Variants in HMGCLL1 observed in about 807,000 individuals in gnomAD.
HMGCLL1 encodes 3-hydroxy-3-methylglutaryl-CoA lyase like 1, also known as 3-hydroxymethyl-3-methylglutaryl-CoA lyase, cytoplasmic.
In HMGCLL1, 36 loss-of-function variants were observed where a neutral mutation model predicts 39.1. The observed-to-expected ratio is 0.92, with a 90% CI of 0.71 to 1.22. The LOEUF (loss-of-function observed/expected upper bound fraction) is 1.22, where lower values mean the gene tolerates loss of function less well. Among genes scored for constraint, HMGCLL1 ranks in the 50% most tolerant of loss-of-function variants. The pLI is 0.00. For synonymous variants in HMGCLL1, 149 were observed against 144.0 expected, an observed-to-expected ratio of 1.03 and a Z score of -0.25; for missense variants, 451 against 416.5, an observed-to-expected ratio of 1.08 and a Z score of -0.72.
chr6:55,490,326 G>A (rs138063779), intron 7 of HMGCLL1, among the ~76,000 whole-genome samples: 208 of 152,038 alleles, frequency 1.4e-3, no homozygotes, highest in African/African-American at 4.7e-3. Context: ...ATGTAAGCAT[G>A]GAAACAATGA....
At chr6:55,657,465 C>T in the HMGCLL1 span, among the ~76,000 whole-genome samples, 5 of 152,046 alleles carry the variant, frequency 3.3e-5, no homozygotes, top group African/African-American at 7.2e-5. Flanking sequence ...TTCTCCATTG[C>T]TTGTTTTTGT....
At chr6:55,442,186 C>G (rs868530010) in intron 7 of HMGCLL1, among the ~76,000 whole-genome samples, 1 of 152,234 alleles carries the variant, frequency 6.6e-6, no homozygotes, top group Middle Eastern at 3.4e-3. Flanking sequence ...AGTCTCCCCA[C>G]AGTCTTTCTG....
chr6:55,653,888 C>T, the HMGCLL1 span, among the ~76,000 whole-genome samples: 1 of 149,988 alleles, frequency 6.7e-6, no homozygotes, highest in African/African-American at 2.5e-5. Flanking sequence ...CCCTCCCATT[C>T]CCTGGGGACT....
the HMGCLL1 span, among the ~76,000 whole-genome samples, chr6:55,677,745 C>T: frequency 2.2e-4 from 33 of 152,294 alleles, no homozygotes; most frequent in Admixed American, 1.9e-3. Flanking sequence ...TTTTACAGTT[C>T]ATTAAGAGTG....
chr6:55,492,574 T>C (rs1766370694), intron 7 of HMGCLL1, among the ~76,000 whole-genome samples: 1 of 152,236 alleles, frequency 6.6e-6, no homozygotes, highest in South Asian at 2.1e-4. Flanking sequence ...TTTCTTATGA[T>C]ATCAATGCGT....
chr6:55,652,573 T>A, the HMGCLL1 span, among the ~76,000 whole-genome samples: 1 of 152,130 alleles, frequency 6.6e-6, no homozygotes, highest in Admixed American at 6.6e-5. Flanking sequence ...AACTCCTGAA[T>A]GATTCTGTGG....
chr6:55,632,296 T>G, the HMGCLL1 span, among the ~76,000 whole-genome samples: 1 of 151,844 alleles, frequency 6.6e-6, no homozygotes, highest in Non-Finnish European at 1.5e-5. Flanking sequence ...CATCTAAGGA[T>G]TCTTATAAGG....
At chr6:55,490,944 T>C (rs1468479113) in intron 7 of HMGCLL1, among the ~76,000 whole-genome samples, 1 of 152,100 alleles carries the variant, frequency 6.6e-6, no homozygotes, top group Non-Finnish European at 1.5e-5. Context: ...AAAAAACATA[T>C]ATAAAGGCAC....
chr6:55,483,873 A>C (rs893297067), intron 7 of HMGCLL1, among the ~76,000 whole-genome samples: 1 of 152,224 alleles, frequency 6.6e-6, no homozygotes, highest in Non-Finnish European at 1.5e-5. Context: ...AAAATTATTA[A>C]TATCAGCTAT....
chr6:55,569,510 G>T (rs1341463168), intron 1 of HMGCLL1, among the ~76,000 whole-genome samples: 1 of 152,154 alleles, frequency 6.6e-6, no homozygotes, highest in Non-Finnish European at 1.5e-5. Context: ...TTTAGAACTA[G>T]AACTGCTTGA....
chr6:55,477,814 C>T (rs894832681), intron 7 of HMGCLL1, among the ~76,000 whole-genome samples: 1 of 150,396 alleles, frequency 6.6e-6, no homozygotes, highest in Admixed American at 6.7e-5. Context: ...ATTTGGTTTA[C>T]TGTTTTGTTT....
the HMGCLL1 span, among the ~76,000 whole-genome samples, chr6:55,600,393 C>G: frequency 1.3e-5 from 2 of 152,082 alleles, no homozygotes; most frequent in Non-Finnish European, 2.9e-5. Context: ...GGCAACATCA[C>G]TTACCAACAG....
chr6:55,569,566 T>A (rs539361719), intron 1 of HMGCLL1, among the ~76,000 whole-genome samples: 52 of 152,300 alleles, frequency 3.4e-4, no homozygotes, highest in African/African-American at 1.3e-3. Flanking sequence ...CACATTTTTT[T>A]AACCTTTCTG....
At chr6:55,655,536 G>GTAGACAGATAGA in the HMGCLL1 span, among the ~76,000 whole-genome samples, 1 of 147,620 alleles carries the variant, frequency 6.8e-6, no homozygotes, top group Non-Finnish European at 1.5e-5. Context: ...AGTTATATTG[G>GTAGACAGATAGA]TAGATAGATA....
intron 3 of HMGCLL1, among the ~76,000 whole-genome samples, chr6:55,527,932 C>T (rs866648170): frequency 1.6e-4 from 24 of 152,018 alleles, no homozygotes; most frequent in Middle Eastern, 3.4e-3. Flanking sequence ...ATAAGATTTC[C>T]GAGTACATCT....
At chr6:55,553,384 A>G (rs1002473889) in intron 1 of HMGCLL1, among the ~76,000 whole-genome samples, 2 of 151,406 alleles carry the variant, frequency 1.3e-5, no homozygotes, top group East Asian at 3.9e-4. Context: ...GTTGTGGTGA[A>G]TCGAAATCAG....
intron 1 of HMGCLL1, among the ~76,000 whole-genome samples, chr6:55,548,152 A>G (rs964551211): frequency 2.0e-5 from 3 of 152,074 alleles, no homozygotes; most frequent in Non-Finnish European, 4.4e-5. Context: ...CTACATCAAA[A>G]AGTAAAGGAA....
the HMGCLL1 span, among the ~76,000 whole-genome samples, chr6:55,656,677 A>G: frequency 0.014 from 2,058 of 152,148 alleles, 52 homozygotes; most frequent in African/African-American, 0.047. Context: ...ATTATGATGC[A>G]CTAAGAAATA....
chr6:55,662,333 T>C, the HMGCLL1 span, among the ~76,000 whole-genome samples: 2 of 151,740 alleles, frequency 1.3e-5, no homozygotes, highest in Non-Finnish European at 2.9e-5. Flanking sequence ...TTTTCATTGA[T>C]GGCTCATTAT....
Sources: gnomAD v4.1 joint callset for allele counts (sites outside exome capture counted in the v4.1 genomes callset) on GRCh38, gnomAD v4.1.1 for gene constraint, MANE v1.5 for transcripts, NCBI Gene and HGNC (gene_info 2026-07-23, HGNC 2026-07-21) for gene names.